The following GCKR variants were observed in gnomAD, a reference collection of about 807,000 sequenced individuals.
GCKR encodes the protein glucokinase regulatory protein.
A neutral mutation model predicts 82.9 loss-of-function variants in GCKR; 73 were observed. The ratio of observed to expected loss-of-function variants is 0.88; its 90% CI spans 0.73 to 1.07. The LOEUF is 1.07. GCKR is among the 50% of genes least tolerant of loss of function. The pLI, the probability that GCKR is intolerant of heterozygous loss-of-function variation, is 0.00. For missense variants in GCKR, 784 were observed against 782.1 expected, an observed-to-expected ratio of 1.00 and a Z score of -0.03; for synonymous variants, 294 against 291.8, an observed-to-expected ratio of 1.01 and a Z score of -0.08.
rs755528355 is a variant in GCKR at position 27,499,425 on chromosome 2, T to G, written c.524T>G (p.Val175Gly). The change falls in exon 7 of 19, where the codon GTC becomes GGC. Residue 175 changes from valine to glycine, a missense_variant. By Grantham distance (109) the Val-to-Gly change is moderately radical. Coordinates refer to ENST00000264717, the MANE Select transcript of GCKR (RefSeq NM_001486.4). ...KVAAGKKRVI[V>G]IGISVGLSAP... Reference sequence around the variant, plus strand: ...GCTGCCGGGAAGAAGAGAGTGATTGTCATTGGCATTTCTGTGGGACTCTCT... The same window carrying G: ...GCTGCCGGGAAGAAGAGAGTGATTGGCATTGGCATTTCTGTGGGACTCTCT... 1.7e-5 allele frequency: 27 copies of G among 1,612,506 alleles called. No homozygotes were observed. Among genetic ancestry groups the G allele is most frequent in the Non-Finnish European group, 2.3e-5 (27 of 1,178,564 alleles).
chr2:27,507,944 C>T, intron 14 of GCKR, 33 bp from the exon 15 acceptor site: 1 of 1,462,848 alleles, frequency 6.8e-7, no homozygotes, highest in Admixed American at 1.7e-5. Flanking sequence ...GCACAGCCAG[C>T]CTTTCGACTC....
chr2:27,521,334 A>ATTT (rs535172762), intron 17 of GCKR, among the ~76,000 whole-genome samples: 2 of 141,976 alleles, frequency 1.4e-5, no homozygotes, highest in Non-Finnish European at 3.1e-5. Flanking sequence ...GTGAAATCAC[A>ATTT]TTTTTTTTTT....
In GCKR at chr2:27,508,189, C is replaced by G; in HGVS notation, c.1360C>G (p.Pro454Ala). The change falls in exon 16 of 19, where the codon CCC becomes GCC. Residue 454 changes from proline (P) to alanine (A), a missense_variant. Physicochemically the swap from Pro to Ala is conservative, Grantham distance 27 (BLOSUM62 -1). Coordinates refer to ENST00000264717, the MANE Select transcript of GCKR (RefSeq NM_001486.4). ...TLLIPLKKLF[P>A]SIISITWPLL... is the part of the protein sequence containing the mutation. ...CCAGATCCCTCTGAAGAAGCTCTTT[C>G]CCTCCATCATCAGCATCACATGGCC... is the stretch of plus-strand genomic sequence containing the variant. 6.2e-7 allele frequency: 1 copy of G among 1,611,962 alleles called. No homozygotes were observed. The highest frequency in any genetic ancestry group is 8.5e-7 in the Non-Finnish European group (1 of 1,177,990).
At chr2:27,501,305 A>C (rs534004413) in intron 8 of GCKR, 76 bp downstream of exon 8, 1 of 911,484 alleles carries the variant, frequency 1.1e-6, no homozygotes, top group East Asian at 2.4e-5. Flanking sequence ...GTACAACCAC[A>C]AGGGAGAGAA....
rs1262071968 is a variant in GCKR at position 27,503,508 on chromosome 2, C to G, written c.645-6C>G. ...TCTCCCCACCTTGTGTCTCTCTGGA[C>G]CTCAGAAATGACCCCATTGAAGACT... On this transcript the variant is annotated splice_polypyrimidine_tract_variant and splice_region_variant and intron_variant, in intron 8 of 18. Transcript: ENST00000264717. 1.3e-6 allele frequency: 2 copies of G among 1,484,238 alleles called. No individual in the cohort carries two copies. The highest frequency in any genetic ancestry group is 1.9e-6 in the Non-Finnish European group (2 of 1,061,190). 91.9% of individuals were successfully genotyped at this position (1,484,238 alleles called of 1,614,324 possible). A position where few individuals can be genotyped will look rare whatever the true frequency, so the allele number is the denominator to read the frequency against.
rs551727860 is a variant in GCKR, at chr2:27,510,752, A to T, written c.1422+2501A>T. Among the ~76,000 whole-genome samples the T allele has an allele frequency of 2.6e-5, 4 of 151,784 alleles. No homozygotes were observed. The East Asian group carries it at 7.7e-4, about 29-fold the overall frequency. ...CTTAAAAATATATATTGGCCATTTG[A>T]TACTTTTTTTTTGTCTTTCATGTAC... is the stretch of plus-strand genomic sequence containing the variant. On this transcript the variant is annotated intron_variant, in intron 16 of 18. Coordinates refer to ENST00000264717, the MANE Select transcript of GCKR (RefSeq NM_001486.4).
intron 17 of GCKR, among the ~76,000 whole-genome samples, chr2:27,522,178 C>T (rs1380526862): frequency 6.6e-6 from 1 of 152,144 alleles, no homozygotes; most frequent in Middle Eastern, 3.2e-3. Context: ...GATTACCAAC[C>T]TACAGGATTG....
chr2:27,497,506 T>A (rs1188802443), intron 2 of GCKR, 56 bp from the exon 3 acceptor site: 1 of 1,556,954 alleles, frequency 6.4e-7, no homozygotes, highest in African/African-American at 1.4e-5. Flanking sequence ...TGAGACCCCC[T>A]CCCCCATTCA....
intron 5 of GCKR, 96 bp downstream of exon 5, chr2:27,498,893 T>C: frequency 1.2e-6 from 1 of 817,178 alleles, no homozygotes; most frequent in Non-Finnish European, 2.1e-6. Flanking sequence ...GTGTCTGGCT[T>C]GTCTTAGTCC....
chr2:27,520,626 C>A (rs1213890926), intron 17 of GCKR, among the ~76,000 whole-genome samples: 1 of 152,206 alleles, frequency 6.6e-6, no homozygotes, highest in African/African-American at 2.4e-5. Flanking sequence ...GACTGAGGAA[C>A]TGAATTTTTA....
chr2:27,522,030 T>G (rs1384589367), intron 17 of GCKR, among the ~76,000 whole-genome samples: 2 of 152,132 alleles, frequency 1.3e-5, no homozygotes, highest in African/African-American at 4.8e-5. Context: ...AGCCTTGCAT[T>G]ATATTTCTAC....
chr2:27,522,803 T>C (rs1360248895), intron 18 of GCKR, among the ~76,000 whole-genome samples: 1 of 152,138 alleles, frequency 6.6e-6, no homozygotes, highest in African/African-American at 2.4e-5. Flanking sequence ...TAATCCACCT[T>C]GTTACCACCT....
At chr2:27,498,385 T>G in intron 4 of GCKR, 62 bp downstream of exon 4, 1 of 1,291,230 alleles carries the variant, frequency 7.7e-7, no homozygotes, top group Non-Finnish European at 1.1e-6. Context: ...CTCAGGACCA[T>G]AAAGATCATC....
Position 27,506,899 on chromosome 2 carries a change from C to T in GCKR, c.1066+14C>T, listed in dbSNP as rs369192771. 70 of 1,511,396 alleles carry T rather than the reference C, an allele frequency of 4.6e-5. No homozygotes were observed. The highest frequency in any genetic ancestry group is 6.4e-5 in the Non-Finnish European group (69 of 1,086,284). 93.6% of individuals were successfully genotyped at this position (1,511,396 alleles called of 1,614,324 possible). A position where few individuals can be genotyped will look rare whatever the true frequency, so the allele number is the denominator to read the frequency against. On this transcript the variant is annotated intron_variant, in intron 12 of 18. Coordinates refer to ENST00000264717, the MANE Select transcript of GCKR (RefSeq NM_001486.4). ...CCTTTGGTGCTGGTGGGACCCCAGT[C>T]CAGATGTTCTTCCTGCTTCCTCCTG...
Position 27,499,228 on chromosome 2 carries a change from A to G in GCKR, c.495+20A>G, listed in dbSNP as rs781389240. On this transcript the variant is annotated intron_variant, in intron 6 of 18. Transcript: ENST00000264717. ...AAGAAGGTCTGTGCTTTTCACTGACATTGACCAGAGACCTCTATCTGTTCC... is the reference window on the plus strand; with the variant it reads ...AAGAAGGTCTGTGCTTTTCACTGACGTTGACCAGAGACCTCTATCTGTTCC... 4.5e-6 allele frequency: 7 copies of G among 1,571,878 alleles called. No individual in the cohort carries two copies. The Admixed American group carries it at 6.7e-5, about 15-fold the overall frequency.
At position 27,496,841 on chromosome 2, in the gene GCKR, T is replaced by G; in HGVS notation, c.-64T>G. On this transcript the variant is annotated 5_prime_UTR_variant, in exon 1 of 19. In the 5' UTR this introduces an upstream ATG that the reference lacks. Coordinates refer to ENST00000264717, the MANE Select transcript of GCKR (RefSeq NM_001486.4). ...CCCTGCCAACTGGAAGCAGAGTCAT[T>G]GTGACCAGAGGGGTTTGTGTGGCTG... 7.4e-7 allele frequency: 1 copy of G among 1,357,782 alleles called. No individual in the cohort carries two copies. The highest frequency in any genetic ancestry group is 1.1e-6 in the Non-Finnish European group (1 of 946,520). 84.1% of individuals were successfully genotyped at this position (1,357,782 alleles called of 1,614,324 possible). A position where few individuals can be genotyped will look rare whatever the true frequency, so the allele number is the denominator to read the frequency against.
Position 27,499,469 on chromosome 2 carries a change from T to G in GCKR, c.549+19T>G. ...ACTCTCTGTGAGTAAAAAGATGGGTTGAGTGGATCAATTTTAGAGAGAGGA... is the reference window on the plus strand; with the variant it reads ...ACTCTCTGTGAGTAAAAAGATGGGTGGAGTGGATCAATTTTAGAGAGAGGA... On this transcript the variant is annotated intron_variant, in intron 7 of 18. Coordinates refer to ENST00000264717, the MANE Select transcript of GCKR (RefSeq NM_001486.4). 1 of 1,537,238 alleles carries G rather than the reference T, an allele frequency of 6.5e-7. No homozygotes were observed. Among genetic ancestry groups the G allele is most frequent in the Non-Finnish European group, 9.0e-7 (1 of 1,109,900 alleles).
intron 16 of GCKR, among the ~76,000 whole-genome samples, chr2:27,510,550 C>T (rs572369032): frequency 6.6e-6 from 1 of 152,270 alleles, no homozygotes; most frequent in African/African-American, 2.4e-5. Flanking sequence ...ATACATACAG[C>T]CAAACTGCCC....
chr2:27,505,474 C>T (rs1359667745), intron 9 of GCKR, among the ~76,000 whole-genome samples: 1 of 151,662 alleles, frequency 6.6e-6, no homozygotes, highest in East Asian at 1.9e-4. Context: ...CTTGACCCAG[C>T]TGACAAGAGA....
Sources: allele counts gnomAD v4.1 joint callset (sites outside exome capture counted in the v4.1 genomes callset), GRCh38; gene constraint gnomAD v4.1.1; transcripts MANE v1.5; gene names NCBI Gene and HGNC (gene_info 2026-07-23, HGNC 2026-07-21).